The following THSD7B variants were observed in gnomAD, a reference collection of about 807,000 sequenced individuals.
THSD7B encodes the protein thrombospondin type 1 domain containing 7B, also known as thrombospondin type-1 domain-containing protein 7B.
Under a neutral mutation model 213.6 loss-of-function variants are expected in THSD7B, and 138 were observed. That is an observed-to-expected ratio of 0.65 (90% CI 0.56 to 0.74). THSD7B has a LOEUF of 0.74. THSD7B is among the 30% of genes least tolerant of loss of function. The probability of loss-of-function intolerance (pLI) is 0.00; values close to 1 mark genes in which losing one functional copy is unlikely to be tolerated. For synonymous variants in THSD7B, 742 were observed against 687.0 expected, an observed-to-expected ratio of 1.08 and a Z score of -1.25; for missense variants, 1,931 against 1,991.5, an observed-to-expected ratio of 0.97 and a Z score of 0.58.
intron 20 of THSD7B, among the ~76,000 whole-genome samples, chr2:137,633,811 A>C (rs1682784910): frequency 6.6e-6 from 1 of 152,184 alleles, no homozygotes; most frequent in African/African-American, 2.4e-5. Context: ...TCATTTGTAT[A>C]TCAAAGCACA....
At chr2:137,065,411 T>C (rs1244079524) in intron 3 of THSD7B, among the ~76,000 whole-genome samples, 2 of 152,060 alleles carry the variant, frequency 1.3e-5, no homozygotes, top group Non-Finnish European at 2.9e-5. Flanking sequence ...TTGTGGATTT[T>C]TTCGGTTTTT....
chr2:137,663,212 T>C (rs75026928), intron 25 of THSD7B, among the ~76,000 whole-genome samples, 171 bp from the exon 26 acceptor site: 3,854 of 152,312 alleles, frequency 0.025, 140 homozygotes, highest in African/African-American at 0.087. Flanking sequence ...ACTTTGGAAT[T>C]TAAAAAGATG....
At chr2:137,363,212 G>A (rs1039040062) in intron 12 of THSD7B, among the ~76,000 whole-genome samples, 2 of 152,164 alleles carry the variant, frequency 1.3e-5, no homozygotes, top group African/African-American at 4.8e-5. Context: ...TAATGTAGCA[G>A]AATTTCTAGG....
chr2:137,666,797 T>C (rs186050542), intron 26 of THSD7B, among the ~76,000 whole-genome samples: 62 of 152,260 alleles, frequency 4.1e-4, no homozygotes, highest in Non-Finnish European at 8.2e-4. Flanking sequence ...AAAGCATATA[T>C]ATATTTGTGA....
chr2:136,943,075 TG>T (rs1684860205), intron 2 of THSD7B, among the ~76,000 whole-genome samples: 1 of 152,238 alleles, frequency 6.6e-6, no homozygotes, highest in Admixed American at 6.5e-5. Flanking sequence ...TGTTGAATTT[TG>T]TCAAAGGCCT....
intron 7 of THSD7B, among the ~76,000 whole-genome samples, chr2:137,191,857 A>T (rs1419435812): frequency 6.6e-6 from 1 of 151,998 alleles, no homozygotes; most frequent in Non-Finnish European, 1.5e-5. Context: ...CCGATTACAC[A>T]TTTTTTTCTA....
chr2:136,796,734 A>G (rs1043967820), intron 1 of THSD7B, among the ~76,000 whole-genome samples: 1 of 151,990 alleles, frequency 6.6e-6, no homozygotes, highest in South Asian at 2.1e-4. Flanking sequence ...AAAAAGACCC[A>G]TTATGAAGTT....
intron 17 of THSD7B, among the ~76,000 whole-genome samples, chr2:137,575,701 G>GT (rs1420882565): frequency 2.3e-5 from 3 of 130,482 alleles, no homozygotes; most frequent in African/African-American, 2.6e-5. Context: ...TTATGTTCAT[G>GT]TTTTTTCTTA....
At position 136,777,539 on chromosome 2, in the gene THSD7B, T is replaced by C. The variant is rs1304098873; in HGVS notation, c.-36+11852T>C. On this transcript the variant is annotated intron_variant, in intron 1 of 27. Coordinates refer to ENST00000409968, the MANE Select transcript of THSD7B (RefSeq NM_001316349.2). Reference sequence around the variant, plus strand: ...AAAGACATTTTCCAGTCTCTATTTATTGTGGTGATTAAAAGAAGAATCTTA... The same window carrying C: ...AAAGACATTTTCCAGTCTCTATTTACTGTGGTGATTAAAAGAAGAATCTTA... Among the ~76,000 whole-genome samples the C allele has an allele frequency of 3.9e-5, 6 of 152,166 alleles. No homozygotes were observed. In the South Asian group the frequency reaches 1.2e-3, roughly 32 times the overall value.
At chr2:137,395,961 G>A (rs1471172683) in intron 12 of THSD7B, among the ~76,000 whole-genome samples, 5 of 152,062 alleles carry the variant, frequency 3.3e-5, no homozygotes, top group Admixed American at 2.0e-4. Flanking sequence ...AGAGGTGTTT[G>A]TAGTGTTCTC....
intron 2 of THSD7B, among the ~76,000 whole-genome samples, chr2:136,973,640 A>C (rs1200064228): frequency 2.0e-5 from 3 of 152,178 alleles, no homozygotes; most frequent in Admixed American, 1.3e-4. Flanking sequence ...TGACAAATAC[A>C]TTGTACTGTT....
intron 15 of THSD7B, among the ~76,000 whole-genome samples, chr2:137,539,651 C>A (rs1320659403): frequency 4.6e-5 from 7 of 151,528 alleles, no homozygotes; most frequent in African/African-American, 1.5e-4. Flanking sequence ...ATTTAACTTC[C>A]AAGATTGTTA....
intron 2 of THSD7B, among the ~76,000 whole-genome samples, chr2:136,981,632 C>T (rs1391888044): frequency 6.6e-6 from 1 of 152,136 alleles, no homozygotes; most frequent in Non-Finnish European, 1.5e-5. Context: ...CACTGCCATG[C>T]CTCACGTTCA....
At chr2:137,145,963 C>T (rs900572479) in intron 5 of THSD7B, among the ~76,000 whole-genome samples, 1 of 151,976 alleles carries the variant, frequency 6.6e-6, no homozygotes, top group Non-Finnish European at 1.5e-5. Flanking sequence ...TAGAAGACAA[C>T]TGTAGTATTT....
At chr2:137,622,203 T>C (rs1682532780) in intron 20 of THSD7B, among the ~76,000 whole-genome samples, 1 of 152,164 alleles carries the variant, frequency 6.6e-6, no homozygotes, top group Admixed American at 6.5e-5. Flanking sequence ...CAGGTGAATC[T>C]AAAAACTCAT....
intron 3 of THSD7B, among the ~76,000 whole-genome samples, chr2:137,067,608 C>G (rs1687405505): frequency 6.6e-6 from 1 of 151,830 alleles, no homozygotes; most frequent in Non-Finnish European, 1.5e-5. Context: ...TTTTGTTAAG[C>G]CTATTAAGCC....
At chr2:137,275,138 A>C (rs1322237021) in intron 11 of THSD7B, among the ~76,000 whole-genome samples, 1 of 152,102 alleles carries the variant, frequency 6.6e-6, no homozygotes, top group Non-Finnish European at 1.5e-5. Context: ...GTGAGTCATA[A>C]AAATAGAGTT....
At chr2:137,318,932 G>C (rs1432709542) in intron 12 of THSD7B, among the ~76,000 whole-genome samples, 2 of 150,888 alleles carry the variant, frequency 1.3e-5, no homozygotes, top group African/African-American at 4.9e-5. Flanking sequence ...GTAGCCACAG[G>C]CACCCGCTTA....
rs766970685 is a variant in THSD7B, at chr2:137,656,861, A to C, written c.4171A>C (p.Ser1391Arg). The change falls in exon 23 of 28, where the codon AGC (serine) becomes CGC (arginine). Residue 1391 changes from serine to arginine, a missense_variant. Ser to Arg is a moderately radical substitution (Grantham distance 110). Transcript: ENST00000409968. ...TCELTCIDGR[S>R]FETVGRQSRS... ...TGAATTAACCTGCATTGATGGAAGA[A>C]GCTTTGAGACTGTGGGCCGCCAGTC... The C allele has an allele frequency of 6.0e-5, 97 of 1,613,882 alleles. No homozygotes were observed. The South Asian group carries it at 7.5e-4, about 12-fold the overall frequency.
Sources: gnomAD v4.1 joint callset for allele counts (sites outside exome capture counted in the v4.1 genomes callset) on GRCh38, gnomAD v4.1.1 for gene constraint, MANE v1.5 for transcripts, NCBI Gene and HGNC (gene_info 2026-07-23, HGNC 2026-07-21) for gene names.